TRPS1: variants seen among roughly 807,000 people sequenced by gnomAD.
The protein encoded by TRPS1 is zinc finger transcription factor Trps1.
In TRPS1, 6 loss-of-function variants were observed where a neutral mutation model predicts 101.2. The observed-to-expected ratio is 0.06, with a 90% confidence interval of 0.03 to 0.12. The LOEUF is 0.12. Ranked by LOEUF, TRPS1 falls within the 10% of genes least tolerant of loss-of-function variation. TRPS1 has a pLI of 1.00. For synonymous variants in TRPS1, 578 were observed against 589.8 expected, an observed-to-expected ratio of 0.98 and a Z score of 0.29; for missense variants, 1,363 against 1,567.0, an observed-to-expected ratio of 0.87 and a Z score of 2.20.
At chr8:115,560,245 A>G (rs1816915256) in intron 5 of TRPS1, among the ~76,000 whole-genome samples, 1 of 152,168 alleles carries the variant, frequency 6.6e-6, no homozygotes, top group Non-Finnish European at 1.5e-5. Flanking sequence ...CAGGTCAGGA[A>G]ACTAGAAGCA....
rs370768359 is a variant in TRPS1, at chr8:115,488,938, G to A, written c.2701-70486C>T. On this transcript the variant is annotated intron_variant, in intron 5 of 6. Coordinates refer to ENST00000395715, the MANE Select transcript of TRPS1 (RefSeq NM_014112.5). ...TTCAAAACGTTCTCATAAAAAGTAT[G>A]TAACATTTTAGCAGGCTGCAGTTAC... 1.6e-3 allele frequency among the ~76,000 whole-genome samples: 238 copies of A among 152,234 alleles called. 8 individuals are homozygous for A. The South Asian group carries it at 0.046, about 29-fold the overall frequency.
In TRPS1 at chr8:115,604,647, G is replaced by A; in HGVS notation, c.1322C>T (p.Thr441Ile). The A allele has an allele frequency of 6.2e-7, 1 of 1,613,986 alleles. No individual in the cohort carries two copies. Among genetic ancestry groups the A allele is most frequent in the Non-Finnish European group, 8.5e-7 (1 of 1,179,992 alleles). The change falls in exon 4 of 7, where the codon ACA becomes ATA. Residue 441 changes from threonine (T) to isoleucine (I), a missense_variant. Coordinates refer to ENST00000395715, the MANE Select transcript of TRPS1 (RefSeq NM_014112.5). This position sits in a 1 kb window ranked among gnomAD's most constrained non-coding sequence, Gnocchi z 4.1. ...ACACCAGTAGTAACTGGTGGCCTCT[G>A]TACCATTTTGTCTAGAGGAATCGAG... ...KPLDSSRQNGTEATSYYWCKF... is the reference protein window; with the variant it reads ...KPLDSSRQNGIEATSYYWCKF...
chr8:115,461,684 A>G (rs779467383), intron 5 of TRPS1, among the ~76,000 whole-genome samples: 14 of 152,196 alleles, frequency 9.2e-5, no homozygotes, highest in Non-Finnish European at 2.1e-4. Context: ...AGGCCTTTTA[A>G]GTTGAAACAT....
chr8:115,465,153 A>G (rs1431710587), intron 5 of TRPS1, among the ~76,000 whole-genome samples: 1 of 152,052 alleles, frequency 6.6e-6, no homozygotes, highest in East Asian at 1.9e-4. Flanking sequence ...CTTAACCACC[A>G]AAGGACACGA....
intron 5 of TRPS1, among the ~76,000 whole-genome samples, chr8:115,513,707 AAG>A (rs1815640028): frequency 6.6e-6 from 1 of 151,542 alleles, no homozygotes; most frequent in Admixed American, 6.6e-5. Flanking sequence ...ACTATAGAAA[AAG>A]GTTTGTGAAC....
intron 5 of TRPS1, among the ~76,000 whole-genome samples, chr8:115,547,910 T>C (rs1816612927): frequency 6.6e-6 from 1 of 152,122 alleles, no homozygotes; most frequent in African/African-American, 2.4e-5. Flanking sequence ...ATCACTTCTA[T>C]TTTAAGAGAA....
chr8:115,619,370 C>A lies in TRPS1; in HGVS notation c.728G>T (p.Gly243Val). The stretch of plus-strand genomic sequence containing the variant: ...ATCTGTGGGGTCGTTGCCGTAGTAA[C>A]CATATCCACAGATATTGCATTTAAA... ...QDFKCNICGY[G>V]YYGNDPTDLI... The change falls in exon 3 of 7, where the codon GGT becomes GTT. Residue 243 changes from glycine to valine, a missense_variant. Transcript: ENST00000395715. 1.2e-6 allele frequency: 2 copies of A among 1,614,196 alleles called. No homozygotes were observed. Among genetic ancestry groups the A allele is most frequent in the Non-Finnish European group, 1.7e-6 (2 of 1,180,042 alleles).
chr8:115,433,954 C>T (rs942788865), intron 5 of TRPS1, among the ~76,000 whole-genome samples: 1 of 144,914 alleles, frequency 6.9e-6, no homozygotes, highest in East Asian at 2.1e-4. Context: ...CTCAGGGCAG[C>T]TGTTTAAAGC....
chr8:115,456,257 A>G (rs2129950302), intron 5 of TRPS1, among the ~76,000 whole-genome samples: 1 of 152,330 alleles, frequency 6.6e-6, no homozygotes, highest in East Asian at 1.9e-4. Context: ...GCAACGTGTC[A>G]AGAACCTCTG....
chr8:115,568,556 G>A (rs1489830653), intron 5 of TRPS1, among the ~76,000 whole-genome samples: 1 of 151,928 alleles, frequency 6.6e-6, no homozygotes, highest in African/African-American at 2.4e-5. Context: ...TATTTGAAAA[G>A]TTGATATTTT....
chr8:115,581,699 T>C (rs2130429221), intron 5 of TRPS1, among the ~76,000 whole-genome samples: 1 of 152,266 alleles, frequency 6.6e-6, no homozygotes, highest in East Asian at 1.9e-4. Flanking sequence ...AAATGGTATA[T>C]AAATGTAAAA....
At chr8:115,502,183 A>G (rs2130150551) in intron 5 of TRPS1, among the ~76,000 whole-genome samples, 1 of 152,206 alleles carries the variant, frequency 6.6e-6, no homozygotes, top group South Asian at 2.1e-4. Flanking sequence ...AACAAAATAC[A>G]GTCACAAGAT....
chr8:115,450,885 G>A (rs1323142218), intron 5 of TRPS1, among the ~76,000 whole-genome samples: 1 of 152,150 alleles, frequency 6.6e-6, no homozygotes, highest in Non-Finnish European at 1.5e-5. Context: ...AGTTATATAT[G>A]TTTGAGACCA....
rs1262330302 is a variant in TRPS1 at position 115,556,682 on chromosome 8, C to A, written c.2700+30319G>T. Reference sequence around the variant, plus strand: ...TATATATTCCTAGTATTTTTGAGTCCTTTACACACAAATATCTATTCAGCA... The same window carrying A: ...TATATATTCCTAGTATTTTTGAGTCATTTACACACAAATATCTATTCAGCA... On this transcript the variant is annotated intron_variant, in intron 5 of 6. Transcript: ENST00000395715. 2.6e-5 allele frequency among the ~76,000 whole-genome samples: 4 copies of A among 152,090 alleles called. No individual in the cohort carries two copies. The East Asian group carries it at 7.7e-4, about 29-fold the overall frequency.
chr8:115,637,643 A>G (rs555959449), intron 1 of TRPS1, among the ~76,000 whole-genome samples: 4 of 152,304 alleles, frequency 2.6e-5, no homozygotes, highest in African/African-American at 7.2e-5. Context: ...CATTATTTGT[A>G]TTCTTGCCTG....
At chr8:115,631,189 C>T (rs917528643) in intron 1 of TRPS1, among the ~76,000 whole-genome samples, 4 of 152,192 alleles carry the variant, frequency 2.6e-5, no homozygotes, top group Middle Eastern at 3.4e-3. Flanking sequence ...TGTCATGTGG[C>T]ACCTTGTGCA....
At chr8:115,607,995 T>A (rs914126834) in intron 3 of TRPS1, among the ~76,000 whole-genome samples, 1 of 152,146 alleles carries the variant, frequency 6.6e-6, no homozygotes, top group Non-Finnish European at 1.5e-5. Context: ...TAAAAACAAA[T>A]ACACAGTGAG....
intron 5 of TRPS1, among the ~76,000 whole-genome samples, chr8:115,436,330 G>C (rs946797348): frequency 6.6e-6 from 1 of 152,006 alleles, no homozygotes; most frequent in Admixed American, 6.6e-5. Context: ...AGACAGGCCC[G>C]GATGGTAAAA....
intron 5 of TRPS1, among the ~76,000 whole-genome samples, chr8:115,519,859 C>T (rs1258016725): frequency 6.6e-6 from 1 of 151,458 alleles, no homozygotes; most frequent in East Asian, 1.9e-4. Flanking sequence ...TAATGTTTTT[C>T]CAAAACTCTA....
Sources: gnomAD v4.1 joint callset for allele counts (sites outside exome capture counted in the v4.1 genomes callset) on GRCh38, gnomAD v4.1.1 for gene constraint, Gnocchi (gnomAD v3.1) non-coding constraint, MANE v1.5 for transcripts, NCBI Gene and HGNC (gene_info 2026-07-23, HGNC 2026-07-21) for gene names.